Variants in RAG1 observed in about 807,000 individuals in gnomAD.
The protein encoded by RAG1 is recombination activating 1.
A neutral mutation model predicts 62.7 loss-of-function variants in RAG1; 35 were observed. The ratio of observed to expected loss-of-function variants is 0.56; its 90% CI spans 0.43 to 0.74. The LOEUF is 0.74. RAG1 is among the 30% of genes least tolerant of loss of function. RAG1 has a pLI of 0.00. For synonymous variants in RAG1, 461 were observed against 470.3 expected (o/e 0.98, Z 0.26); for missense variants, 1,169 against 1,278.6 (o/e 0.91, Z 1.31).
intron 2 of RAG1, among the ~76,000 whole-genome samples, chr11:36,534,797 C>T (rs1435879039): frequency 1.3e-5 from 2 of 152,022 alleles, no homozygotes; most frequent in Non-Finnish European, 1.5e-5. Context: ...TAAAAATTTT[C>T]AGTTGTATGC....
At chr11:36,521,935 G>A (rs1331983171) in intron 2 of RAG1, among the ~76,000 whole-genome samples, 1 of 152,072 alleles carries the variant, frequency 6.6e-6, no homozygotes, top group Non-Finnish European at 1.5e-5. Flanking sequence ...GATGATTTAG[G>A]GTATCTGGTG....
rs1850847083 is a variant in RAG1, at chr11:36,576,138, A to G, written c.2834A>G (p.His945Arg). ...ITNYFHKTLA[H>R]VPEIIERDGS... is the part of the protein sequence containing the mutation. ...AATTATTTTCACAAAACCCTGGCCC[A>G]TGTTCCTGAAATTATTGAGAGGGAT... Residue 945 changes from histidine (H) to arginine (R), a missense_variant, in exon 2 of 2, where the codon CAT becomes CGT. Physicochemically the swap from His to Arg is conservative, Grantham distance 29 (BLOSUM62 0). Coordinates refer to ENST00000299440, the MANE Select transcript of RAG1 (RefSeq NM_000448.3). 1 of 1,614,068 alleles carries G rather than the reference A, an allele frequency of 6.2e-7. No individual in the cohort carries two copies. The highest frequency in any genetic ancestry group is 8.5e-7 in the Non-Finnish European group (1 of 1,180,038).
intron 1 of RAG1, among the ~76,000 whole-genome samples, chr11:36,569,133 GGCT>G (rs142254848): frequency 3.3e-5 from 5 of 152,112 alleles, no homozygotes; most frequent in Admixed American, 6.5e-5. Flanking sequence ...GGAAATGGGG[GGCT>G]GCTGCTGCTG....
rs1212952639 is a variant in RAG1, at chr11:36,578,468, T to C, written c.*2032T>C. Reference sequence around the variant, plus strand: ...GCATGTCTCTGCACTAATAAACAGCTAAATTCACATAATCATCCTATTTAC... The same window carrying C: ...GCATGTCTCTGCACTAATAAACAGCCAAATTCACATAATCATCCTATTTAC... On this transcript the variant is annotated 3_prime_UTR_variant, in exon 2 of 2. Transcript: ENST00000299440. 4 of 166,704 alleles carry C rather than the reference T, an allele frequency of 2.4e-5. No individual in the cohort carries two copies. Among genetic ancestry groups the C allele is most frequent in the African/African-American group, 7.2e-5 (3 of 41,472 alleles). 10.3% of individuals were successfully genotyped at this position (166,704 alleles called of 1,614,324 possible).
intron 1 of RAG1, chr11:36,515,469 T>C (rs908545487): frequency 6.6e-6 from 1 of 152,178 alleles, no homozygotes; most frequent in Admixed American, 6.6e-5. Context: ...CAGCAGTTAA[T>C]GAAGCCAAAG....
intron 3 of RAG1, among the ~76,000 whole-genome samples, chr11:36,550,318 A>G (rs921123775): frequency 2.0e-5 from 3 of 152,052 alleles, no homozygotes; most frequent in African/African-American, 7.2e-5. Context: ...CCAAATCAAA[A>G]GATGGTCAGT....
chr11:36,540,496 C>G (rs1335321311), downstream of RAG1, among the ~76,000 whole-genome samples: 1 of 152,098 alleles, frequency 6.6e-6, no homozygotes, highest in African/African-American at 2.4e-5. Flanking sequence ...GCTCCACCTC[C>G]CGGGTTCACG....
chr11:36,574,433 TCAAGTCA>T lies in RAG1; in HGVS notation c.1134_1140del (p.Ser378ArgfsTer23). ...TTTGGAAAAATATAATCACCACATC[TCAAGTCA>T]CAAGGAATCAAAAGAGATTTTTGTG... On this transcript the variant is annotated frameshift_variant, in exon 2 of 2. Transcript: ENST00000299440. LOFTEE classifies it high-confidence loss of function. 1 of 1,614,136 alleles carries T rather than the reference TCAAGTCA, an allele frequency of 6.2e-7. No individual in the cohort carries two copies. Among genetic ancestry groups the T allele is most frequent in the Non-Finnish European group, 8.5e-7 (1 of 1,180,038 alleles).
Position 36,534,434 on chromosome 11 carries a change from GC to G in RAG1, n.429-1520del, listed in dbSNP as rs1860297215. Among the ~76,000 whole-genome samples the G allele has an allele frequency of 2.6e-5, 4 of 152,280 alleles. No individual in the cohort carries two copies. The South Asian group carries it at 8.3e-4, about 32-fold the overall frequency. On this transcript the variant is annotated intron_variant and non_coding_transcript_variant, in intron 2 of 2. Coordinates refer to the RAG1 transcript ENST00000529126. ...GGCCATGGGAAGGCTGTACTGTCCT[GC>G]CCCCTTGGAGTTAGGTGTGGTCACA...
At chr11:36,524,315 A>G (rs919142608) in intron 2 of RAG1, among the ~76,000 whole-genome samples, 5 of 149,320 alleles carry the variant, frequency 3.3e-5, no homozygotes, top group African/African-American at 7.3e-5. Context: ...TGTTGTGCAC[A>G]TGTACCCTAG....
chr11:36,564,510 G>A (rs1850634233), upstream of RAG1, among the ~76,000 whole-genome samples: 1 of 152,154 alleles, frequency 6.6e-6, no homozygotes, highest in East Asian at 1.9e-4. Context: ...TTTTCTCATG[G>A]CTTTTTCTGA....
At chr11:36,528,826 C>A (rs1389028426) in intron 2 of RAG1, among the ~76,000 whole-genome samples, 4 of 152,090 alleles carry the variant, frequency 2.6e-5, no homozygotes, top group African/African-American at 9.6e-5. Flanking sequence ...ACCACCGATC[C>A]CACAGAAATA....
chr11:36,539,526 C>T (rs1860382171), downstream of RAG1, among the ~76,000 whole-genome samples: 1 of 152,076 alleles, frequency 6.6e-6, no homozygotes. Flanking sequence ...GCTCTGTTGC[C>T]CAGGCTGGAG....
chr11:36,541,180 A>G (rs904389471), intron 3 of RAG1, among the ~76,000 whole-genome samples: 2 of 152,308 alleles, frequency 1.3e-5, no homozygotes, highest in East Asian at 3.9e-4. Context: ...TATATTAAGA[A>G]AGTCCTGCAT....
intron 2 of RAG1, among the ~76,000 whole-genome samples, chr11:36,533,515 CTT>C (rs1191088126): frequency 2.6e-5 from 4 of 152,232 alleles, no homozygotes; most frequent in Non-Finnish European, 5.9e-5. Flanking sequence ...AACTCAAAGA[CTT>C]TTCAGTTTAT....
intron 3 of RAG1, among the ~76,000 whole-genome samples, chr11:36,547,810 G>C (rs980850926): frequency 2.0e-4 from 30 of 152,110 alleles, no homozygotes; most frequent in African/African-American, 7.0e-4. Flanking sequence ...AAACCTGACA[G>C]AGACTCAACA....
intron 2 of RAG1, among the ~76,000 whole-genome samples, chr11:36,528,456 A>G (rs1860200218): frequency 6.6e-6 from 1 of 152,220 alleles, no homozygotes; most frequent in Admixed American, 6.5e-5. Context: ...GAGAACAAAG[A>G]CACAACGTAC....
intron 3 of RAG1, among the ~76,000 whole-genome samples, chr11:36,541,917 C>T (rs1850308680): frequency 1.3e-5 from 2 of 152,070 alleles, no homozygotes; most frequent in African/African-American, 4.8e-5. Flanking sequence ...ACCCAACTAT[C>T]AATAGGCAAT....
At chr11:36,563,535 T>C (rs561104310), upstream of RAG1, 1 of 152,300 alleles carries the variant, frequency 6.6e-6, no homozygotes, top group East Asian at 1.9e-4. Flanking sequence ...CTCTCTCTCA[T>C]AGCAGATTTT....
Sources: gnomAD v4.1 joint callset for allele counts (sites outside exome capture counted in the v4.1 genomes callset) on GRCh38, gnomAD v4.1.1 for gene constraint, MANE v1.5 for transcripts, NCBI Gene and HGNC (gene_info 2026-07-23, HGNC 2026-07-21) for gene names.